Variants in RAB6B observed in about 807,000 individuals in gnomAD.
RAB6B encodes the protein RAB6B, member RAS oncogene family, also known as ras-related protein Rab-6B.
In RAB6B, 7 loss-of-function variants were observed where a neutral mutation model predicts 31.2. The ratio of observed to expected loss-of-function variants is 0.22; its 90% CI spans 0.13 to 0.42. The LOEUF is 0.42. RAB6B is among the 10% of genes least tolerant of loss of function. The probability of loss-of-function intolerance (pLI) is 1.00; values close to 1 mark genes in which losing one functional copy is unlikely to be tolerated. For synonymous variants in RAB6B, 105 were observed against 104.9 expected, an observed-to-expected ratio of 1.00 and a Z score of -0.01; for missense variants, 149 against 280.6, an observed-to-expected ratio of 0.53 and a Z score of 3.35.
At chr3:133,870,636 G>A (rs9836470) in intron 1 of RAB6B, among the ~76,000 whole-genome samples, 20,408 of 152,108 alleles carry the variant, frequency 0.13, 1,813 homozygotes, top group Admixed American at 0.24. Flanking sequence ...ACTGGACAAG[G>A]AACAGACACC....
intron 7 of RAB6B, among the ~76,000 whole-genome samples, chr3:133,829,212 A>C (rs371944804): frequency 1.3e-5 from 2 of 152,152 alleles, no homozygotes; most frequent in African/African-American, 4.8e-5. Context: ...CCCCACTCAA[A>C]GTGCAATGGA....
chr3:133,849,060 A>G lies in RAB6B; in HGVS notation c.130-7397T>C, dbSNP rs187563685. ...TTCTGTACAGAACTCCTCATAAACAAGTTGCTTTGTATGTCTGGGCCTTTT... is the reference window on the plus strand; with the variant it reads ...TTCTGTACAGAACTCCTCATAAACAGGTTGCTTTGTATGTCTGGGCCTTTT... On this transcript the variant is annotated intron_variant, in intron 2 of 7. Transcript: ENST00000285208. Among the ~76,000 whole-genome samples, 22 of 152,244 alleles carry G rather than the reference A, an allele frequency of 1.4e-4. No individual in the cohort carries two copies. The East Asian group carries it at 2.9e-3, about 20-fold the overall frequency.
intron 1 of RAB6B, among the ~76,000 whole-genome samples, chr3:133,876,550 C>CA (rs1440366019): frequency 6.6e-6 from 1 of 151,654 alleles, no homozygotes; most frequent in African/African-American, 2.4e-5. Flanking sequence ...AATTTGCTTA[C>CA]AAAAAAAATC....
chr3:133,835,680 T>C (rs1935724793), intron 6 of RAB6B, among the ~76,000 whole-genome samples: 1 of 152,078 alleles, frequency 6.6e-6, no homozygotes, highest in Admixed American at 6.5e-5. Context: ...GAATCTCCAA[T>C]GTGACAGTAT....
At chr3:133,859,123 C>T (rs1438552315) in intron 2 of RAB6B, among the ~76,000 whole-genome samples, 1 of 152,118 alleles carries the variant, frequency 6.6e-6, no homozygotes, top group Admixed American at 6.5e-5. Flanking sequence ...GGACCACAGG[C>T]TCATGCCACT....
intron 6 of RAB6B, 22 bp downstream of exon 6, chr3:133,838,135 GTGCCGGGCC>G (rs1559900607): frequency 1.3e-6 from 2 of 1,575,268 alleles, no homozygotes; most frequent in East Asian, 4.5e-5. Flanking sequence ...GCCGGGCCCC[GTGCCGGGCC>G]CCGTGCCAGG....
In RAB6B at chr3:133,837,668, C is replaced by T. The variant is rs77722199; in HGVS notation, c.495+498G>A. On this transcript the variant is annotated intron_variant, in intron 6 of 7. Transcript: ENST00000285208. ...CTCATGCTGCAAGGCTCAGCCCTAACTCCACTGCCTCGCCCTCCTGTGAGT... is the reference window on the plus strand; with the variant it reads ...CTCATGCTGCAAGGCTCAGCCCTAATTCCACTGCCTCGCCCTCCTGTGAGT... Among the ~76,000 whole-genome samples, 101 of 152,360 alleles carry T rather than the reference C, an allele frequency of 6.6e-4. No individual in the cohort carries two copies. In the Middle Eastern group the frequency reaches 0.017, roughly 26 times the overall value.
At chr3:133,881,070 A>G (rs2715629) in intron 1 of RAB6B, among the ~76,000 whole-genome samples, 88,846 of 152,068 alleles carry the variant, frequency 0.58, 26,596 homozygotes, top group African/African-American at 0.71. Context: ...AGGGTCAACA[A>G]AGGGCCAGGC....
intron 1 of RAB6B, among the ~76,000 whole-genome samples, chr3:133,871,169 A>G (rs547952654): frequency 6.6e-6 from 1 of 152,396 alleles, no homozygotes; most frequent in Non-Finnish European, 1.5e-5. Flanking sequence ...TGCAGGGCAC[A>G]GAATTTGTAG....
intron 2 of RAB6B, among the ~76,000 whole-genome samples, chr3:133,854,684 A>G (rs1936049025): frequency 1.3e-5 from 2 of 152,222 alleles, no homozygotes; most frequent in African/African-American, 4.8e-5. Flanking sequence ...AGCTGAATCC[A>G]CATTTATCTT....
At chr3:133,862,271 T>G (rs1050028204) in intron 2 of RAB6B, among the ~76,000 whole-genome samples, 20 of 152,194 alleles carry the variant, frequency 1.3e-4, no homozygotes, top group African/African-American at 4.1e-4. Context: ...GCTGTTTTTT[T>G]TGTGTGTGTG....
chr3:133,846,635 T>C (rs2107994132), intron 2 of RAB6B, among the ~76,000 whole-genome samples: 1 of 152,224 alleles, frequency 6.6e-6, no homozygotes, highest in South Asian at 2.1e-4. Flanking sequence ...AGGTATGTCA[T>C]AGTCAAATTG....
At chr3:133,895,336 G>A (rs1936693627) in intron 1 of RAB6B, 61 bp downstream of exon 1, 1 of 1,543,418 alleles carries the variant, frequency 6.5e-7, no homozygotes, top group Non-Finnish European at 8.9e-7. Context: ...CCAATGGGGT[G>A]GGCGATTGGG....
chr3:133,868,216 C>G (rs1200656026), intron 1 of RAB6B, among the ~76,000 whole-genome samples: 1 of 152,182 alleles, frequency 6.6e-6, no homozygotes, highest in African/African-American at 2.4e-5. Context: ...TCAACAACTG[C>G]CCGGGGTGGA....
At chr3:133,851,080 T>G (rs1935978242) in intron 2 of RAB6B, among the ~76,000 whole-genome samples, 2 of 148,824 alleles carry the variant, frequency 1.3e-5, no homozygotes, top group South Asian at 2.1e-4. Context: ...TTCAAAAGTA[T>G]GAAGAAATAA....
At chr3:133,873,039 G>A (rs1106170) in intron 1 of RAB6B, among the ~76,000 whole-genome samples, 22,801 of 152,132 alleles carry the variant, frequency 0.15, 2,002 homozygotes, top group Middle Eastern at 0.22. Flanking sequence ...TCTCCACTGA[G>A]TGCCCCGTCT....
intron 4 of RAB6B, among the ~76,000 whole-genome samples, chr3:133,840,190 G>T (rs969710286): frequency 6.6e-6 from 1 of 151,884 alleles, no homozygotes; most frequent in Non-Finnish European, 1.5e-5. Flanking sequence ...GAGGGGAAAG[G>T]TGGCCCCGGG....
At chr3:133,893,299 G>A (rs1662033525) in intron 1 of RAB6B, among the ~76,000 whole-genome samples, 1 of 152,190 alleles carries the variant, frequency 6.6e-6, no homozygotes, top group African/African-American at 2.4e-5. Flanking sequence ...ATGAGAGGTG[G>A]GGCTCCAGCC....
chr3:133,889,239 C>A (rs1220702092), intron 1 of RAB6B, among the ~76,000 whole-genome samples: 1 of 151,806 alleles, frequency 6.6e-6, no homozygotes, highest in Non-Finnish European at 1.5e-5. Flanking sequence ...GGGAAATCTG[C>A]AGCCTGGATG....
Sources: allele counts gnomAD v4.1 joint callset (sites outside exome capture counted in the v4.1 genomes callset), GRCh38; gene constraint gnomAD v4.1.1; transcripts MANE v1.5; gene names NCBI Gene and HGNC (gene_info 2026-07-23, HGNC 2026-07-21).